The following NPLOC4 variants were observed in gnomAD, a reference collection of about 807,000 sequenced individuals.
NPLOC4 encodes the protein nuclear protein localization protein 4 homolog.
A neutral mutation model predicts 80.6 loss-of-function variants in NPLOC4; 18 were observed. That is an observed-to-expected ratio of 0.22 (90% CI 0.15 to 0.33). The LOEUF (loss-of-function observed/expected upper bound fraction) is 0.33. Ranked by LOEUF, NPLOC4 falls within the 10% of genes least tolerant of loss-of-function variation. The probability of loss-of-function intolerance (pLI) is 1.00; values close to 1 mark genes in which losing one functional copy is unlikely to be tolerated. For missense variants in NPLOC4, 540 were observed against 786.1 expected (o/e 0.69, Z 3.74); for synonymous variants, 313 against 301.5 (o/e 1.04, Z -0.39).
At chr17:81,563,775 C>T (rs2033923053) in intron 16 of NPLOC4, 1 of 346,848 alleles carries the variant, frequency 2.9e-6, no homozygotes, top group Non-Finnish European at 5.7e-6. Flanking sequence ...AATTTTGCAG[C>T]CATAAAAAGG....
At chr17:81,636,729 G>C (rs1364486044) in intron 1 of NPLOC4, among the ~76,000 whole-genome samples, 187 bp downstream of exon 1, 3 of 152,178 alleles carry the variant, frequency 2.0e-5, no homozygotes, top group African/African-American at 7.2e-5. Context: ...GAGGGACACG[G>C]ACGGGAAGCA....
chr17:81,636,964 G>T lies in NPLOC4; in HGVS notation c.-34C>A. The stretch of plus-strand genomic sequence containing the variant: ...CTCCTGCCTCCGGGCTCGAGCCCCG[G>T]GCCGCCGCCGCCTGCCGCCCCAAGG... On this transcript the variant is annotated 5_prime_UTR_variant, in exon 1 of 17. Coordinates refer to ENST00000331134, the MANE Select transcript of NPLOC4 (RefSeq NM_017921.4). 1.6e-6 allele frequency: 2 copies of T among 1,261,246 alleles called. No individual in the cohort carries two copies. The highest frequency in any genetic ancestry group is 2.0e-6 in the Non-Finnish European group (2 of 1,001,104). 78.1% of individuals were successfully genotyped at this position (1,261,246 alleles called of 1,614,324 possible).
chr17:81,607,155 G>T (rs186470754), intron 6 of NPLOC4, among the ~76,000 whole-genome samples: 1 of 152,236 alleles, frequency 6.6e-6, no homozygotes, highest in East Asian at 1.9e-4. Flanking sequence ...GCCACTGAGC[G>T]GGCATGAGGC....
intron 12 of NPLOC4, among the ~76,000 whole-genome samples, chr17:81,586,405 T>C (rs2034582348): frequency 6.6e-6 from 1 of 151,006 alleles, no homozygotes; most frequent in African/African-American, 2.4e-5. Flanking sequence ...AGTCCAGGAG[T>C]TCAAGACCGG....
rs1479259525 is a variant in NPLOC4, at chr17:81,559,364, GCCC to G, written c.1719_1721del (p.Gly574del). On this transcript the variant is annotated inframe_deletion, in exon 17 of 17. Transcript: ENST00000331134. ...TGGCTGCAGTGGCCGTGTGTGTGGA[GCCC>G]CCGACGGCGCCGTACTCATGGAGAC... 90 of 1,608,234 alleles carry G rather than the reference GCCC, an allele frequency of 5.6e-5. No individual in the cohort carries two copies. Among genetic ancestry groups the G allele is most frequent in the Non-Finnish European group, 7.3e-5 (86 of 1,177,784 alleles).
chr17:81,595,835 C>T (rs548097895), intron 11 of NPLOC4, among the ~76,000 whole-genome samples: 70 of 152,226 alleles, frequency 4.6e-4, no homozygotes, highest in African/African-American at 1.6e-3. Context: ...TGAGCCACCA[C>T]GCCCGGCCAA....
chr17:81,621,862 C>G (rs1225950603), intron 3 of NPLOC4, among the ~76,000 whole-genome samples: 3 of 152,206 alleles, frequency 2.0e-5, no homozygotes, highest in South Asian at 4.1e-4. Context: ...AGGTCTTTCA[C>G]TCCAGACAAG....
At chr17:81,609,272 C>A (rs1267285037) in intron 5 of NPLOC4, among the ~76,000 whole-genome samples, 1 of 152,202 alleles carries the variant, frequency 6.6e-6, no homozygotes, top group Non-Finnish European at 1.5e-5. Context: ...CCCGCCTTGG[C>A]CTCCCAAAGT....
chr17:81,588,825 G>C, intron 12 of NPLOC4, 119 bp downstream of exon 12: 1 of 822,568 alleles, frequency 1.2e-6, no homozygotes, highest in Non-Finnish European at 1.9e-6. Context: ...GTGACAAGCA[G>C]GGTTCAACCA....
intron 3 of NPLOC4, among the ~76,000 whole-genome samples, chr17:81,620,446 G>C (rs910257904): frequency 6.6e-6 from 1 of 151,828 alleles, no homozygotes; most frequent in African/African-American, 2.4e-5. Context: ...CAGTGAGCTG[G>C]GATCACGTCA....
chr17:81,615,103 T>TCTTTC (rs773420457), intron 3 of NPLOC4, among the ~76,000 whole-genome samples: 4 of 138,052 alleles, frequency 2.9e-5, no homozygotes, highest in African/African-American at 1.1e-4. Flanking sequence ...TCTGTTTCTT[T>TCTTTC]TTTTTTTTTT....
In NPLOC4 at chr17:81,583,777, C is replaced by T. The variant is rs571521608; in HGVS notation, c.1281+5167G>A. On this transcript the variant is annotated intron_variant, in intron 12 of 16. Coordinates refer to ENST00000331134, the MANE Select transcript of NPLOC4 (RefSeq NM_017921.4). The stretch of plus-strand genomic sequence containing the variant: ...AGGGCAAAGCTGTAGACTCTCCTCC[C>T]TCCTGAAGGACAGTCAGGAAGCTTC... Among the ~76,000 whole-genome samples the T allele has an allele frequency of 9.2e-5, 14 of 152,328 alleles. No individual in the cohort carries two copies. The South Asian group carries it at 2.5e-3, about 27-fold the overall frequency.
intron 2 of NPLOC4, among the ~76,000 whole-genome samples, chr17:81,626,333 A>G (rs2035796096): frequency 6.6e-6 from 1 of 151,986 alleles, no homozygotes; most frequent in African/African-American, 2.4e-5. Flanking sequence ...AAAAAAAAGA[A>G]AAGAATGAAA....
chr17:81,605,117 TAC>T (rs1167457622), intron 7 of NPLOC4, among the ~76,000 whole-genome samples: 2 of 151,436 alleles, frequency 1.3e-5, no homozygotes, highest in Non-Finnish European at 2.9e-5. Flanking sequence ...TTTATAAAAA[TAC>T]AAAAAATTAG....
At chr17:81,604,500 C>T (rs1021409762) in intron 8 of NPLOC4, 48 bp downstream of exon 8, 3 of 1,572,358 alleles carry the variant, frequency 1.9e-6, no homozygotes, top group Middle Eastern at 2.1e-4. Context: ...GCGTCCCCCA[C>T]AGCCTCCAAA....
At chr17:81,620,188 T>C (rs941669850) in intron 3 of NPLOC4, among the ~76,000 whole-genome samples, 1 of 152,072 alleles carries the variant, frequency 6.6e-6, no homozygotes, top group African/African-American at 2.4e-5. Context: ...TGTCTAGGGA[T>C]AGACACTCAA....
intron 12 of NPLOC4, among the ~76,000 whole-genome samples, chr17:81,575,804 CAAGGG>C (rs772037849): frequency 6.6e-6 from 1 of 152,218 alleles, no homozygotes; most frequent in Non-Finnish European, 1.5e-5. Context: ...ACCTCCACCG[CAAGGG>C]AAGATGCAAA....
At chr17:81,603,018 T>A (rs62074676) in intron 8 of NPLOC4, among the ~76,000 whole-genome samples, 12,008 of 135,860 alleles carry the variant, frequency 0.088, 560 homozygotes, top group Middle Eastern at 0.19. Flanking sequence ...CACACACATA[T>A]AAAAGTCAGA....
chr17:81,597,429 T>G (rs1389073513), intron 9 of NPLOC4, 113 bp from the exon 10 acceptor site: 2 of 795,156 alleles, frequency 2.5e-6, no homozygotes, highest in African/African-American at 3.4e-5. Flanking sequence ...GGCAGGAGAA[T>G]CACGAGGTTA....
Sources: gnomAD v4.1 joint callset for allele counts (sites outside exome capture counted in the v4.1 genomes callset) on GRCh38, gnomAD v4.1.1 for gene constraint, MANE v1.5 for transcripts, NCBI Gene and HGNC (gene_info 2026-07-23, HGNC 2026-07-21) for gene names.